Variants in OCLN observed in about 807,000 individuals in gnomAD.
OCLN encodes the protein phosphatase 1, regulatory subunit 115.
In OCLN, 21 loss-of-function variants were observed where a neutral mutation model predicts 47.9. That is an observed-to-expected ratio of 0.44 (90% CI 0.31 to 0.63). The LOEUF is 0.63. OCLN is among the 30% of genes least tolerant of loss of function. OCLN has a pLI of 0.08. For synonymous variants in OCLN, 117 were observed against 198.4 expected (o/e 0.59, Z 3.45); for missense variants, 360 against 571.0 (o/e 0.63, Z 3.77).
intron 3 of OCLN, among the ~76,000 whole-genome samples, chr5:69,510,904 C>T (rs1438135767): frequency 1.3e-5 from 2 of 152,250 alleles, no homozygotes; most frequent in Middle Eastern, 3.4e-3. Context: ...ACATCCTCAC[C>T]AACACTTGTT....
chr5:69,528,123 CT>C (rs1325397469), intron 4 of OCLN, among the ~76,000 whole-genome samples: 1 of 152,144 alleles, frequency 6.6e-6, no homozygotes, highest in African/African-American at 2.4e-5. Flanking sequence ...TCTAAGAGAA[CT>C]TTCCAGTCGA....
intron 4 of OCLN, among the ~76,000 whole-genome samples, chr5:69,523,369 T>C (rs1192484335): frequency 6.6e-6 from 1 of 152,140 alleles, no homozygotes; most frequent in African/African-American, 2.4e-5. Flanking sequence ...TTTTAGAGAA[T>C]AGACAAAATT....
At chr5:69,499,772 A>G (rs1768404065) in intron 1 of OCLN, among the ~76,000 whole-genome samples, 1 of 151,998 alleles carries the variant, frequency 6.6e-6, no homozygotes, top group African/African-American at 2.4e-5. Flanking sequence ...TTTTTAGTAG[A>G]GACAGGGTTT....
Position 69,520,050 on chromosome 5 carries a change from C to G in OCLN, c.891+5941C>G, listed in dbSNP as rs533363401. On this transcript the variant is annotated intron_variant, in intron 4 of 8. Coordinates refer to ENST00000396442, the MANE Select transcript of OCLN (RefSeq NM_001205254.2). ...CTCAGCTCATTGCAGCCTCCCGCTT[C>G]CAGGTTCAAGTGATTCTCCTGCCTC... is the stretch of plus-strand genomic sequence containing the variant. Among the ~76,000 whole-genome samples, 57 of 152,292 alleles carry G rather than the reference C, an allele frequency of 3.7e-4. No individual in the cohort carries two copies. The South Asian group carries it at 0.011, about 30-fold the overall frequency.
chr5:69,500,330 C>G (rs1334255041), intron 1 of OCLN, among the ~76,000 whole-genome samples: 1 of 152,000 alleles, frequency 6.6e-6, no homozygotes, highest in Non-Finnish European at 1.5e-5. Flanking sequence ...ATAAAATCCA[C>G]CAGTTTGGTA....
intron 1 of OCLN, among the ~76,000 whole-genome samples, chr5:69,501,246 T>A (rs1057363530): frequency 6.6e-6 from 1 of 152,234 alleles, no homozygotes; most frequent in Admixed American, 6.5e-5. Flanking sequence ...GTTCTTTTTC[T>A]GAAGACAATC....
chr5:69,533,086 TATACACAC>T (rs2112058585), intron 4 of OCLN, among the ~76,000 whole-genome samples: 1 of 144,624 alleles, frequency 6.9e-6, no homozygotes, highest in East Asian at 2.3e-4. Context: ...CATATATATA[TATACACAC>T]ACACACACAC....
chr5:69,510,235 G>A (rs1768741948), intron 3 of OCLN, among the ~76,000 whole-genome samples: 1 of 152,076 alleles, frequency 6.6e-6, no homozygotes, highest in African/African-American at 2.4e-5. Flanking sequence ...TCTTTGTGAT[G>A]GGCTTCTTTT....
At chr5:69,516,900 TA>T (rs970391094) in intron 4 of OCLN, among the ~76,000 whole-genome samples, 15 of 148,436 alleles carry the variant, frequency 1.0e-4, no homozygotes, top group African/African-American at 2.0e-4. Context: ...CTACAAAAAA[TA>T]AAAAAAAAAT....
chr5:69,524,662 T>C (rs1673901375), intron 4 of OCLN, among the ~76,000 whole-genome samples: 1 of 152,232 alleles, frequency 6.6e-6, no homozygotes, highest in South Asian at 2.1e-4. Flanking sequence ...TTAAGACCAT[T>C]ACAACTGCCA....
At chr5:69,531,814 C>T (rs990634054) in intron 4 of OCLN, among the ~76,000 whole-genome samples, 3 of 152,150 alleles carry the variant, frequency 2.0e-5, no homozygotes, top group African/African-American at 4.8e-5. Context: ...TGCCTGGATA[C>T]GTCAGGAGAG....
In OCLN at chr5:69,509,223, T is replaced by A; in HGVS notation, c.133T>A (p.Ser45Thr). ...ACCAATGCTCTCTCAGCCAGCCTAC[T>A]CTTTTTACCCAGAAGATGAAATTCT... is the stretch of plus-strand genomic sequence containing the variant. Reference protein sequence around the residue: ...VRPMLSQPAYSFYPEDEILHF... With the variant: ...VRPMLSQPAYTFYPEDEILHF... The change falls in exon 3 of 9, where the codon TCT becomes ACT. Residue 45 changes from serine to threonine, a missense_variant. By Grantham distance (58) the Ser-to-Thr change is moderately conservative. This residue lies in a region of OCLN where 314 missense variants were observed against 368.1 expected (regional missense o/e 0.85). Transcript: ENST00000396442. The A allele has an allele frequency of 2.5e-6, 4 of 1,614,170 alleles. No homozygotes were observed. Among genetic ancestry groups the A allele is most frequent in the Non-Finnish European group, 2.5e-6 (3 of 1,179,994 alleles).
intron 4 of OCLN, among the ~76,000 whole-genome samples, chr5:69,530,257 T>C (rs750593254): frequency 2.9e-4 from 44 of 152,204 alleles, no homozygotes; most frequent in Non-Finnish European, 1.6e-4. Flanking sequence ...TTGAGTTTTA[T>C]GAGCTGACTG....
intron 4 of OCLN, among the ~76,000 whole-genome samples, chr5:69,525,967 C>T (rs1388076510): frequency 6.6e-6 from 1 of 152,144 alleles, no homozygotes; most frequent in South Asian, 2.1e-4. Context: ...TTTTATGACA[C>T]CTGGACCAGA....
chr5:69,505,690 C>G (rs1312975243), intron 2 of OCLN, among the ~76,000 whole-genome samples: 1 of 152,118 alleles, frequency 6.6e-6, no homozygotes, highest in African/African-American at 2.4e-5. Context: ...TTTTGAATTC[C>G]AAATTTGCTA....
intron 3 of OCLN, among the ~76,000 whole-genome samples, chr5:69,512,707 T>A (rs750998019): frequency 2.0e-5 from 3 of 152,230 alleles, no homozygotes; most frequent in Admixed American, 6.5e-5. Flanking sequence ...TATGTAGGTC[T>A]TGTTAAACTT....
intron 4 of OCLN, among the ~76,000 whole-genome samples, chr5:69,516,173 C>G (rs1442135484): frequency 6.6e-6 from 1 of 151,934 alleles, no homozygotes; most frequent in Admixed American, 6.5e-5. Flanking sequence ...TGTAGCGAGC[C>G]GAGATCACGC....
At chr5:69,507,663 T>G (rs918691557) in intron 2 of OCLN, among the ~76,000 whole-genome samples, 7 of 152,060 alleles carry the variant, frequency 4.6e-5, no homozygotes, top group Non-Finnish European at 1.0e-4. Flanking sequence ...TGGAGTGCAA[T>G]GGCACGGTCT....
intron 3 of OCLN, among the ~76,000 whole-genome samples, chr5:69,512,457 T>C (rs780944607): frequency 2.0e-5 from 3 of 152,216 alleles, no homozygotes; most frequent in Non-Finnish European, 4.4e-5. Context: ...ACTGTAACTT[T>C]ATAGTAAGTT....
Sources: gnomAD v4.1 joint callset for allele counts (sites outside exome capture counted in the v4.1 genomes callset) on GRCh38, gnomAD v4.1.1 for gene constraint, gnomAD v4.1.1 regional missense constraint, MANE v1.5 for transcripts, NCBI Gene and HGNC (gene_info 2026-07-23, HGNC 2026-07-21) for gene names.